The following ST3GAL5 variants were observed in gnomAD, a reference collection of about 807,000 sequenced individuals.
The protein encoded by ST3GAL5 is ST3 beta-galactoside alpha-2,3-sialyltransferase 5.
Under a neutral mutation model 46.1 loss-of-function variants are expected in ST3GAL5, and 25 were observed. The ratio of observed to expected loss-of-function variants is 0.54; its 90% CI spans 0.40 to 0.76. ST3GAL5 has a LOEUF of 0.76. ST3GAL5 is among the 30% of genes least tolerant of loss of function. The pLI is 0.00. For missense variants in ST3GAL5, 431 were observed against 521.2 expected, an observed-to-expected ratio of 0.83 and a Z score of 1.69; for synonymous variants, 182 against 192.7, an observed-to-expected ratio of 0.94 and a Z score of 0.46.
intron 3 of ST3GAL5, chr2:85,852,770 G>A: frequency 1.4e-6 from 1 of 739,438 alleles, no homozygotes; most frequent in East Asian, 6.6e-5. Flanking sequence ...CAGGAGATCT[G>A]GAGGCTGGAC....
chr2:85,875,852 T>C (rs1319176953), intron 1 of ST3GAL5, among the ~76,000 whole-genome samples: 1 of 152,120 alleles, frequency 6.6e-6, no homozygotes, highest in Non-Finnish European at 1.5e-5. Flanking sequence ...TCTTTGCGAA[T>C]TCTTATAAGC....
At chr2:85,873,068 T>C (rs1573691711) in intron 1 of ST3GAL5, among the ~76,000 whole-genome samples, 1 of 150,970 alleles carries the variant, frequency 6.6e-6, no homozygotes, top group Non-Finnish European at 1.5e-5. Context: ...GGCTGGGGGG[T>C]GCAGGCAGGA....
intron 1 of ST3GAL5, among the ~76,000 whole-genome samples, chr2:85,884,963 T>G (rs1342344060): frequency 1.3e-5 from 2 of 152,222 alleles, no homozygotes; most frequent in African/African-American, 4.8e-5. Context: ...GATACTTAAC[T>G]GTTATAATCC....
chr2:85,851,551 T>C lies in ST3GAL5; in HGVS notation c.319-3347A>G, dbSNP rs1683504568. The C allele has an allele frequency of 3.1e-6, 4 of 1,289,202 alleles. No individual in the cohort carries two copies. The South Asian group carries it at 4.9e-5, about 16-fold the overall frequency. 79.9% of individuals were successfully genotyped at this position (1,289,202 alleles called of 1,614,324 possible). A position where few individuals can be genotyped will look rare whatever the true frequency, so the allele number is the denominator to read the frequency against. ...TGCTTCAATGGTGCACAACCAGACA[T>C]CATTGTCTTGGGGGCTTCCTCAGAG... On this transcript the variant is annotated intron_variant, in intron 3 of 6. Transcript: ENST00000638572.
rs182807944 is a variant in ST3GAL5, at chr2:85,883,253, T to A, written c.82+5571A>T. Among the ~76,000 whole-genome samples, 6 of 152,294 alleles carry A rather than the reference T, an allele frequency of 3.9e-5. No individual in the cohort carries two copies. In the East Asian group the frequency reaches 1.2e-3, roughly 29 times the overall value. ...GGTAATTGAATCATGGGGGCCGGTC[T>A]TTCCCATGTTATTCTCATGATAGTG... On this transcript the variant is annotated intron_variant, in intron 1 of 6. Coordinates refer to ENST00000638572, the MANE Select transcript of ST3GAL5 (RefSeq NM_003896.4).
At chr2:85,861,326 T>C (rs1558677079) in intron 2 of ST3GAL5, 34 bp from the exon 3 acceptor site, 3 of 1,352,174 alleles carry the variant, frequency 2.2e-6, no homozygotes, top group Non-Finnish European at 3.2e-6. Context: ...TATGATGTAG[T>C]CATGTGAGAA....
chr2:85,851,749 A>C (rs1683537191), intron 3 of ST3GAL5: 14 of 1,288,274 alleles, frequency 1.1e-5, no homozygotes, highest in Non-Finnish European at 1.3e-5. Flanking sequence ...TGAGGACTCC[A>C]GAGCTCCCAG....
At chr2:85,864,651 G>C (rs1685097026) in intron 1 of ST3GAL5, among the ~76,000 whole-genome samples, 1 of 151,722 alleles carries the variant, frequency 6.6e-6, no homozygotes, top group South Asian at 2.1e-4. Flanking sequence ...TATGTTGTGT[G>C]CCTGCCTATT....
intron 1 of ST3GAL5, among the ~76,000 whole-genome samples, chr2:85,869,234 T>C (rs1321102197): frequency 2.6e-5 from 4 of 151,804 alleles, no homozygotes. Context: ...TTTGTAGAGA[T>C]GGGGTCTCTC....
intron 1 of ST3GAL5, among the ~76,000 whole-genome samples, chr2:85,878,127 C>T (rs908943062): frequency 7.2e-5 from 11 of 152,204 alleles, no homozygotes; most frequent in African/African-American, 2.4e-4. Context: ...CTCACTGTGG[C>T]ACAATGTAGG....
chr2:85,847,329 G>T, intron 4 of ST3GAL5: 2 of 985,612 alleles, frequency 2.0e-6, no homozygotes, highest in Non-Finnish European at 1.2e-6. Flanking sequence ...TGTTTTACTT[G>T]AATCTACCCA....
intron 1 of ST3GAL5, 44 bp downstream of exon 1, chr2:85,888,780 C>G (rs972221568): frequency 8.5e-7 from 1 of 1,174,472 alleles, no homozygotes. Flanking sequence ...CAGCCCCCAG[C>G]CCGCGGGCCC....
intron 3 of ST3GAL5, chr2:85,854,726 A>AT (rs1683909375): frequency 6.6e-6 from 1 of 152,250 alleles, no homozygotes; most frequent in Admixed American, 6.5e-5. Context: ...ATGTAAGTGC[A>AT]TATTAAGTAA....
At chr2:85,882,459 G>A (rs1037191157) in intron 1 of ST3GAL5, among the ~76,000 whole-genome samples, 3 of 152,194 alleles carry the variant, frequency 2.0e-5, no homozygotes, top group Non-Finnish European at 4.4e-5. Flanking sequence ...GGGCAGAGCT[G>A]CCCAAGACCA....
chr2:85,846,887 C>T (rs1220363006), intron 4 of ST3GAL5: 1 of 268,436 alleles, frequency 3.7e-6, no homozygotes, highest in Non-Finnish European at 7.1e-6. Flanking sequence ...TTCCATTGTG[C>T]TCAGATGTTA....
chr2:85,839,829 G>C lies in ST3GAL5; in HGVS notation c.*315C>G, dbSNP rs528477802. On this transcript the variant is annotated 3_prime_UTR_variant, in exon 7 of 7. Coordinates refer to ENST00000638572, the MANE Select transcript of ST3GAL5 (RefSeq NM_003896.4). ...CCTGTATTCAATGTGCAGTGTAAACGAGCAGAAGTTTTACAAATTAAATTA... is the reference window on the plus strand; with the variant it reads ...CCTGTATTCAATGTGCAGTGTAAACCAGCAGAAGTTTTACAAATTAAATTA... 7.8e-6 allele frequency: 3 copies of C among 383,428 alleles called. No individual in the cohort carries two copies. The highest frequency in any genetic ancestry group is 9.9e-6 in the Non-Finnish European group (2 of 201,676). 23.8% of individuals were successfully genotyped at this position (383,428 alleles called of 1,614,324 possible).
intron 3 of ST3GAL5, among the ~76,000 whole-genome samples, chr2:85,856,780 G>A (rs573021366): frequency 1.4e-4 from 21 of 151,644 alleles, no homozygotes; most frequent in African/African-American, 4.6e-4. Flanking sequence ...ATGTTGCCCA[G>A]GCTGGTCTCA....
Position 85,844,486 on chromosome 2 carries a change from G to C in ST3GAL5, c.918C>G (p.Phe306Leu), listed in dbSNP as rs1186958037. 4 of 1,614,182 alleles carry C rather than the reference G, an allele frequency of 2.5e-6. No homozygotes were observed. Among genetic ancestry groups the C allele is most frequent in the Non-Finnish European group, 3.4e-6 (4 of 1,180,032 alleles). Residue 306 changes from phenylalanine (F) to leucine (L), a missense_variant, in exon 6 of 7, where the codon TTC becomes TTG. Phe to Leu is a conservative substitution (Grantham distance 22). Transcript: ENST00000638572. ...TGATGATAACTGGATTCAAAATCCT[G>C]AAATGTTTTGGCTGCAGTGGGATTT... ...AEKIPLQPKH[F>L]RILNPVIIKE...
At chr2:85,874,810 C>T (rs1053304560) in intron 1 of ST3GAL5, among the ~76,000 whole-genome samples, 7 of 151,100 alleles carry the variant, frequency 4.6e-5, no homozygotes, top group Non-Finnish European at 1.0e-4. Context: ...ACTAGATCCC[C>T]ACACAAAGTT....
Sources: allele counts gnomAD v4.1 joint callset (sites outside exome capture counted in the v4.1 genomes callset), GRCh38; gene constraint gnomAD v4.1.1; transcripts MANE v1.5; gene names NCBI Gene and HGNC (gene_info 2026-07-23, HGNC 2026-07-21).